PTPRT: variants seen among roughly 807,000 people sequenced by gnomAD.
PTPRT encodes the protein protein tyrosine phosphatase receptor type T, also known as receptor-type tyrosine-protein phosphatase T.
A neutral mutation model predicts 176.8 loss-of-function variants in PTPRT; 56 were observed. The observed-to-expected ratio is 0.32, with a 90% CI of 0.26 to 0.40. PTPRT has a LOEUF of 0.40. PTPRT is among the 10% of genes least tolerant of loss of function. The probability of loss-of-function intolerance (pLI) is 1.00; values close to 1 mark genes in which losing one functional copy is unlikely to be tolerated. For synonymous variants in PTPRT, 783 were observed against 739.0 expected (o/e 1.06, Z -0.96); for missense variants, 1,540 against 1,908.2 (o/e 0.81, Z 3.60).
At chr20:42,116,806 G>A (rs1231947915) in intron 21 of PTPRT, among the ~76,000 whole-genome samples, 1 of 152,174 alleles carries the variant, frequency 6.6e-6, no homozygotes, top group Non-Finnish European at 1.5e-5. Context: ...TTTGGCACTA[G>A]CAGGAGCTTA....
chr20:42,479,972 T>A (rs1432206412), intron 7 of PTPRT, among the ~76,000 whole-genome samples: 1 of 152,216 alleles, frequency 6.6e-6, no homozygotes, highest in Non-Finnish European at 1.5e-5. Flanking sequence ...CCCGTGCTGA[T>A]GATTAGAATC....
chr20:43,118,861 G>C (rs2013153092), intron 1 of PTPRT, among the ~76,000 whole-genome samples: 1 of 152,228 alleles, frequency 6.6e-6, no homozygotes, highest in Non-Finnish European at 1.5e-5. Context: ...TGTTGGTTCA[G>C]TAGTTTTCAA....
chr20:42,532,104 G>A (rs779218917), intron 7 of PTPRT, among the ~76,000 whole-genome samples: 16 of 152,134 alleles, frequency 1.1e-4, no homozygotes, highest in South Asian at 2.1e-4. Context: ...TGTCTCTCTC[G>A]TGCTTGGGGA....
At chr20:42,838,183 C>T (rs1239368760) in intron 2 of PTPRT, among the ~76,000 whole-genome samples, 4 of 152,146 alleles carry the variant, frequency 2.6e-5, no homozygotes, top group South Asian at 2.1e-4. Flanking sequence ...CCCACCACCA[C>T]GCCCTGCTGT....
At chr20:42,279,198 G>C (rs2057099180) in intron 13 of PTPRT, among the ~76,000 whole-genome samples, 1 of 152,062 alleles carries the variant, frequency 6.6e-6, no homozygotes, top group Non-Finnish European at 1.5e-5. Context: ...GTCAAGCAAA[G>C]TGCTCAAAAT....
At chr20:42,414,235 A>G (rs1237497850) in intron 9 of PTPRT, among the ~76,000 whole-genome samples, 1 of 152,254 alleles carries the variant, frequency 6.6e-6, no homozygotes, top group East Asian at 1.9e-4. Flanking sequence ...TTCAATCTCT[A>G]TCTATGATAA....
chr20:42,747,510 C>G (rs769846067), intron 6 of PTPRT, among the ~76,000 whole-genome samples: 48 of 152,056 alleles, frequency 3.2e-4, no homozygotes, highest in Non-Finnish European at 5.0e-4. Context: ...TGCAAAGGAA[C>G]AGAGTTACAA....
intron 9 of PTPRT, among the ~76,000 whole-genome samples, chr20:42,369,979 G>A (rs571831214): frequency 4.4e-4 from 67 of 152,288 alleles, no homozygotes; most frequent in African/African-American, 1.6e-3. Context: ...AAAATGCCAA[G>A]AGATGCTGGC....
At chr20:43,179,090 G>C (rs1217827363) in intron 1 of PTPRT, among the ~76,000 whole-genome samples, 1 of 152,198 alleles carries the variant, frequency 6.6e-6, no homozygotes, top group Non-Finnish European at 1.5e-5. Context: ...ATCTCCACCA[G>C]AAGTCCAATG....
At position 42,472,406 on chromosome 20, in the gene PTPRT, G is replaced by A. The variant is rs778904835; in HGVS notation, c.1310C>T (p.Ala437Val). Residue 437 changes from alanine (A) to valine (V), a missense_variant, in exon 8 of 31, where the codon GCC (alanine) becomes GTC (valine). Transcript: ENST00000373187. The part of the protein sequence containing the change: ...QYVFNQQQYE[A>V]EEVIQTSSHY... The stretch of plus-strand genomic sequence containing the variant: ...GGAGGAGGTCTGGATGACCTCCTCG[G>A]CCTCGTACTGCTGCTGGTTGAACAC... 6.2e-7 allele frequency: 1 copy of A among 1,614,222 alleles called. No individual in the cohort carries two copies. The highest frequency in any genetic ancestry group is 1.1e-5 in the South Asian group (1 of 91,084).
chr20:42,818,703 T>C (rs754371679), intron 2 of PTPRT, among the ~76,000 whole-genome samples: 1 of 152,136 alleles, frequency 6.6e-6, no homozygotes, highest in Non-Finnish European at 1.5e-5. Flanking sequence ...CTGAGGAACA[T>C]AAATTACCTG....
chr20:42,197,376 C>CAAA (rs3086756), intron 16 of PTPRT, among the ~76,000 whole-genome samples: 10,582 of 33,122 alleles, frequency 0.32, 2,544 homozygotes, highest in Non-Finnish European at 0.36. Flanking sequence ...GAGACTCCAT[C>CAAA]AAAAAAAAAA....
chr20:42,927,864 C>T (rs1335987479), intron 1 of PTPRT, among the ~76,000 whole-genome samples: 2 of 152,192 alleles, frequency 1.3e-5, no homozygotes, highest in Non-Finnish European at 2.9e-5. Flanking sequence ...GTAGGTTGTA[C>T]TTAGACCACT....
intron 7 of PTPRT, among the ~76,000 whole-genome samples, chr20:42,585,042 G>A (rs940859593): frequency 2.0e-5 from 3 of 152,182 alleles, no homozygotes; most frequent in East Asian, 1.9e-4. Context: ...ACCAATATAG[G>A]ATAAAGTCAC....
chr20:42,157,316 C>CA (rs1478371172), intron 17 of PTPRT, among the ~76,000 whole-genome samples: 1 of 151,800 alleles, frequency 6.6e-6, no homozygotes, highest in Non-Finnish European at 1.5e-5. Context: ...GTACTTGTGG[C>CA]AGACTGTATT....
chr20:42,263,678 CTT>C (rs574955968), intron 13 of PTPRT, among the ~76,000 whole-genome samples: 33 of 138,316 alleles, frequency 2.4e-4, no homozygotes, highest in Admixed American at 3.7e-4. Flanking sequence ...TGCGCCGGGC[CTT>C]TTTTTTTTTT....
At chr20:42,421,564 G>C (rs1332333184) in intron 9 of PTPRT, among the ~76,000 whole-genome samples, 1 of 152,034 alleles carries the variant, frequency 6.6e-6, no homozygotes, top group Non-Finnish European at 1.5e-5. Flanking sequence ...GTGTGTGTTT[G>C]GGGGAGGAGA....
At chr20:42,647,546 T>C (rs2074934264) in intron 7 of PTPRT, among the ~76,000 whole-genome samples, 1 of 152,132 alleles carries the variant, frequency 6.6e-6, no homozygotes, top group Admixed American at 6.5e-5. Context: ...CCATCCAATT[T>C]GCAAGTTCCC....
rs372036793 is a variant in PTPRT at position 42,664,598 on chromosome 20, A to G, written c.1153+13268T>C. Among the ~76,000 whole-genome samples the G allele has an allele frequency of 3.9e-5, 6 of 152,298 alleles. No individual in the cohort carries two copies. The East Asian group carries it at 9.6e-4, about 24-fold the overall frequency. ...GTATCTTACCATGTACAATTTATTAATCATGTACTATTTGATAAGCAATTT... is the reference window on the plus strand; with the variant it reads ...GTATCTTACCATGTACAATTTATTAGTCATGTACTATTTGATAAGCAATTT... On this transcript the variant is annotated intron_variant, in intron 7 of 30. Coordinates refer to ENST00000373187, the MANE Select transcript of PTPRT (RefSeq NM_007050.6).
Sources: allele counts gnomAD v4.1 joint callset (sites outside exome capture counted in the v4.1 genomes callset), GRCh38; gene constraint gnomAD v4.1.1; transcripts MANE v1.5; gene names NCBI Gene and HGNC (gene_info 2026-07-23, HGNC 2026-07-21).